DMD: variants seen among roughly 807,000 people sequenced by gnomAD.
DMD encodes the protein mutant dystrophin.
In DMD, 63 loss-of-function variants were observed where a neutral mutation model predicts 330.1. That is an observed-to-expected ratio of 0.19 (90% CI 0.16 to 0.24). DMD has a LOEUF of 0.24. DMD is among the 10% of genes least tolerant of loss of function. DMD has a pLI of 1.00. For synonymous variants in DMD, 1,223 were observed against 959.8 expected (o/e 1.27, Z -5.07); for missense variants, 3,344 against 2,684.1 (o/e 1.25, Z -5.43).
intron 4 of DMD, among the ~76,000 whole-genome samples, chrX:32,840,413 G>C (rs2080059678): frequency 9.0e-6 from 1 of 111,544 alleles, no homozygotes; most frequent in Admixed American, 9.6e-5. Context: ...TGGAGTTTCG[G>C]AGGTTTTAAG....
rs762685364 is a variant in DMD, at chrX:32,330,397, TGA to T, written c.5922+11701_5922+11702del. Among the ~76,000 whole-genome samples the T allele has an allele frequency of 7.2e-5, 8 of 111,789 alleles. No homozygotes were observed. In the East Asian group the frequency reaches 2.0e-3, roughly 28 times the overall value. ...TGTTCTCAGAATATGTTCCATACAA[TGA>T]GAGTCTTAAGTAATCATTGAAGAAT... On this transcript the variant is annotated intron_variant, in intron 41 of 78. Transcript: ENST00000357033.
At chrX:32,394,585 C>T (rs188162941) in intron 30 of DMD, among the ~76,000 whole-genome samples, 5 of 111,332 alleles carry the variant, frequency 4.5e-5, no homozygotes, top group Non-Finnish European at 7.5e-5. Flanking sequence ...AAGTTATCAG[C>T]GATATAACAT....
rs757932854 is a variant in DMD, at chrX:33,121,014, C to T, written c.31+90268G>A. On this transcript the variant is annotated intron_variant, in intron 1 of 78. Transcript: ENST00000357033. ...AAACAAAGCATTCACATTATTCTATCGATTTTTGGAATGCTATTTGCAAAC... is the reference window on the plus strand; with the variant it reads ...AAACAAAGCATTCACATTATTCTATTGATTTTTGGAATGCTATTTGCAAAC... Among the ~76,000 whole-genome samples, 5 of 108,943 alleles carry T rather than the reference C, an allele frequency of 4.6e-5. No individual in the cohort carries two copies. The South Asian group carries it at 2.0e-3, about 44-fold the overall frequency. The allele number at this position is 108,943 out of a possible 115,157, so 94.6% of individuals were successfully genotyped here.
intron 55 of DMD, among the ~76,000 whole-genome samples, chrX:31,574,767 T>C (rs1033618519): frequency 9.0e-6 from 1 of 111,405 alleles, no homozygotes; most frequent in Non-Finnish European, 1.9e-5. Context: ...TTTAGCAAAT[T>C]CCACATCGTA....
chrX:31,497,665 T>C (rs2070010744), intron 56 of DMD, among the ~76,000 whole-genome samples: 1 of 112,274 alleles, frequency 8.9e-6, no homozygotes, highest in Non-Finnish European at 1.9e-5. Flanking sequence ...TTAGAACACG[T>C]TAATCCTTAG....
intron 1 of DMD, among the ~76,000 whole-genome samples, chrX:33,083,217 T>G (rs6527258): frequency 0.25 from 27,784 of 111,284 alleles, 4,088 homozygotes; most frequent in African/African-American, 0.56. Flanking sequence ...CTTTACAAGA[T>G]AAAATCACCC....
At chrX:32,927,771 A>G (rs896969259) in intron 2 of DMD, among the ~76,000 whole-genome samples, 6 of 111,285 alleles carry the variant, frequency 5.4e-5, no homozygotes, top group Admixed American at 1.9e-4. Context: ...GAACATTTAT[A>G]TCCCTAATAG....
In DMD at chrX:32,519,917, A is replaced by G. The variant is rs185118618; in HGVS notation, c.2169-1786T>C. 6.9e-3 allele frequency among the ~76,000 whole-genome samples: 771 copies of G among 112,155 alleles called. 10 individuals carry two copies. Among genetic ancestry groups the G allele is most frequent in the Middle Eastern group, 0.018 (4 of 217 alleles). On this transcript the variant is annotated intron_variant, in intron 17 of 78. Transcript: ENST00000357033. ...AAAATTCTTTGGTTAGGTATCACCA[A>G]TTCCAGCTGCCCATAGGATGAGATG...
At chrX:33,068,938 T>G (rs1325335616) in intron 1 of DMD, among the ~76,000 whole-genome samples, 1 of 112,126 alleles carries the variant, frequency 8.9e-6, no homozygotes, top group African/African-American at 3.2e-5. Flanking sequence ...AACCTTGACT[T>G]GTAGACCTCC....
At chrX:32,690,767 G>A (rs2063220558) in intron 9 of DMD, among the ~76,000 whole-genome samples, 1 of 108,996 alleles carries the variant, frequency 9.2e-6, no homozygotes, top group Admixed American at 9.7e-5. Context: ...AACAAATGGT[G>A]TTGGAAAAAC....
Position 32,619,778 on chromosome X carries a change from C to T in DMD, c.1332-5325G>A, listed in dbSNP as rs149612463. 1.6e-3 allele frequency among the ~76,000 whole-genome samples: 178 copies of T among 111,356 alleles called. 2 individuals are homozygous for T. The highest frequency in any genetic ancestry group is 5.4e-3 in the African/African-American group (165 of 30,587). ...GAAGGGTCGGGGGAAAAATAATAAA[C>T]GATAGTGAAGGAGCCAGGACCTAAC... On this transcript the variant is annotated intron_variant, in intron 11 of 78. Coordinates refer to ENST00000357033, the MANE Select transcript of DMD (RefSeq NM_004006.3).
intron 1 of DMD, among the ~76,000 whole-genome samples, chrX:33,324,098 A>T (rs1314085655): frequency 1.8e-5 from 2 of 111,746 alleles, no homozygotes; most frequent in Admixed American, 9.6e-5. Context: ...GAGGAAAACT[A>T]TTAATAATAA....
rs189635874 is a variant in DMD at position 31,888,177 on chromosome X, G to T, written c.6913-12804C>A. Among the ~76,000 whole-genome samples the T allele has an allele frequency of 7.0e-3, 778 of 111,480 alleles. 3 individuals are homozygous for T. Among genetic ancestry groups the T allele is most frequent in the Middle Eastern group, 0.014 (3 of 211 alleles). ...GACTAAGGAATAAAATTCTTGATATGTTTTCTGTTAGTTAGCTTGATGTCA... is the reference window on the plus strand; with the variant it reads ...GACTAAGGAATAAAATTCTTGATATTTTTTCTGTTAGTTAGCTTGATGTCA... On this transcript the variant is annotated intron_variant, in intron 47 of 78. Transcript: ENST00000357033.
At chrX:31,208,597 A>G (rs2044322048) in intron 65 of DMD, among the ~76,000 whole-genome samples, 1 of 111,964 alleles carries the variant, frequency 8.9e-6, no homozygotes, top group African/African-American at 3.2e-5. Context: ...TTAAAAAGCA[A>G]TACCTTATCA....
Position 33,181,922 on chromosome X carries a change from G to A in DMD, c.31+29360C>T, listed in dbSNP as rs761789358. Among the ~76,000 whole-genome samples the A allele has an allele frequency of 2.7e-5, 3 of 111,772 alleles. No individual in the cohort carries two copies. The South Asian group carries it at 1.1e-3, about 42-fold the overall frequency. ...TTCTCACACATTGCCTGTTATTTCT[G>A]GTCAGGAAAATAAATAAATAAGTGC... On this transcript the variant is annotated intron_variant, in intron 1 of 78. Transcript: ENST00000357033.
chrX:33,124,260 G>C (rs968672509), intron 1 of DMD, among the ~76,000 whole-genome samples: 3 of 108,553 alleles, frequency 2.8e-5, no homozygotes. Flanking sequence ...TGCGAATCAC[G>C]AGGTCAGGAG....
intron 6 of DMD, among the ~76,000 whole-genome samples, chrX:32,811,739 T>C (rs1021429020): frequency 8.9e-6 from 1 of 112,253 alleles, no homozygotes; most frequent in Non-Finnish European, 1.9e-5. Context: ...AATTAAACTC[T>C]AAATGTGAAA....
intron 16 of DMD, among the ~76,000 whole-genome samples, chrX:32,549,924 C>CT (rs779518771): frequency 1.8e-5 from 2 of 112,391 alleles, no homozygotes; most frequent in African/African-American, 3.2e-5. Context: ...AAATAAAATA[C>CT]TTTTTTTCTA....
At chrX:32,702,467 G>GAGAGT (rs1268295223) in intron 7 of DMD, among the ~76,000 whole-genome samples, 8 of 111,452 alleles carry the variant, frequency 7.2e-5, no homozygotes, top group Non-Finnish European at 1.1e-4. Context: ...GTGTCTTAGA[G>GAGAGT]AGAGTAGAGT....
Sources: gnomAD v4.1 joint callset for allele counts (sites outside exome capture counted in the v4.1 genomes callset) on GRCh38, gnomAD v4.1.1 for gene constraint, MANE v1.5 for transcripts, NCBI Gene and HGNC (gene_info 2026-07-23, HGNC 2026-07-21) for gene names.